RIN3: variants seen among roughly 807,000 people sequenced by gnomAD.
RIN3 encodes the protein Ras and Rab interactor 3, also known as RAB5 interacting protein 3.
RIN3 carries 54 observed loss-of-function variants against 76.3 expected under a neutral mutation model. That is an observed-to-expected ratio of 0.71 (90% confidence interval 0.57 to 0.89). RIN3 has a LOEUF of 0.89. Among genes scored for constraint, RIN3 ranks in the 40% least tolerant of loss-of-function variants. The probability of loss-of-function intolerance (pLI) is 0.00; values close to 1 mark genes in which losing one functional copy is unlikely to be tolerated. For missense variants in RIN3, 1,256 were observed against 1,322.1 expected (o/e 0.95, Z 0.78); for synonymous variants, 576 against 564.0 (o/e 1.02, Z -0.30).
chr14:92,559,988 G>A (rs1398681964), intron 2 of RIN3, among the ~76,000 whole-genome samples: 1 of 152,260 alleles, frequency 6.6e-6, no homozygotes, highest in African/African-American at 2.4e-5. Flanking sequence ...GACAGCAGGT[G>A]TGCAGGTCTG....
At position 92,643,962 on chromosome 14, in the gene RIN3, T is replaced by C. The variant is rs1229435940; in HGVS notation, c.532+2633T>C. Among the ~76,000 whole-genome samples the C allele has an allele frequency of 6.6e-6, 1 of 151,970 alleles. No individual in the cohort carries two copies. The highest frequency in any genetic ancestry group is 1.5e-5 in the Non-Finnish European group (1 of 67,988). ...AAAAATTAGAAGATCAAGTTTTAGC[T>C]CCGCTGGGAACCTTGTGTAAAGTGC... On this transcript the variant is annotated intron_variant, in intron 5 of 9. Transcript: ENST00000216487. This position sits in a 1 kb window ranked among gnomAD's most constrained non-coding sequence, Gnocchi z 4.8.
chr14:92,576,718 G>A (rs1049330111), intron 2 of RIN3, among the ~76,000 whole-genome samples: 7 of 152,218 alleles, frequency 4.6e-5, no homozygotes, highest in African/African-American at 1.4e-4. Flanking sequence ...TCCTTCATCT[G>A]TAAGATGGGG....
rs1045897945 is a variant in RIN3, at chr14:92,643,367, A to G, written c.532+2038A>G. ...ACACCCGGCCGCCTCTTAGCTCTTT[A>G]TCCAAATTCTTCTAGGTCTAATTTA... On this transcript the variant is annotated intron_variant, in intron 5 of 9. Coordinates refer to ENST00000216487, the MANE Select transcript of RIN3 (RefSeq NM_024832.5). This position sits in a 1 kb window ranked among gnomAD's most constrained non-coding sequence, Gnocchi z 4.8. 4.6e-5 allele frequency among the ~76,000 whole-genome samples: 7 copies of G among 152,182 alleles called. No individual in the cohort carries two copies. The highest frequency in any genetic ancestry group is 1.7e-4 in the African/African-American group (7 of 41,448).
At chr14:92,659,544 C>A in intron 7 of RIN3, 75 bp downstream of exon 7, 1 of 1,377,078 alleles carries the variant, frequency 7.3e-7, no homozygotes, top group Non-Finnish European at 9.8e-7. Context: ...CTGACCAGGA[C>A]TCCAGAGCCC....
chr14:92,540,206 C>CGCTT (rs1207377508), intron 1 of RIN3, among the ~76,000 whole-genome samples: 2 of 152,198 alleles, frequency 1.3e-5, no homozygotes, highest in African/African-American at 4.8e-5. Flanking sequence ...CTGCTGTCAG[C>CGCTT]GCTTCCGAGG....
chr14:92,622,484 C>T (rs1886216917), intron 4 of RIN3, among the ~76,000 whole-genome samples: 1 of 152,242 alleles, frequency 6.6e-6, no homozygotes, highest in Non-Finnish European at 1.5e-5. Context: ...ACCCAGCACT[C>T]AGGCAAAAGT....
intron 2 of RIN3, among the ~76,000 whole-genome samples, chr14:92,569,332 C>A (rs1036418638): frequency 2.0e-5 from 3 of 152,148 alleles, no homozygotes; most frequent in Non-Finnish European, 2.9e-5. Flanking sequence ...TGGGTGCTTT[C>A]CTCTGCAGCT....
intron 3 of RIN3, among the ~76,000 whole-genome samples, chr14:92,601,621 G>A (rs573454584): frequency 3.3e-5 from 5 of 152,056 alleles, no homozygotes; most frequent in Non-Finnish European, 5.9e-5. Flanking sequence ...AGAGAACAAA[G>A]TGTTTTTTCT....
At chr14:92,604,909 C>CTTTTTTCCTTATCCATTTTCCTCTTT (rs1885471592) in intron 3 of RIN3, among the ~76,000 whole-genome samples, 1 of 90,050 alleles carries the variant, frequency 1.1e-5, no homozygotes, top group Non-Finnish European at 2.1e-5. Context: ...CCATTTTCCT[C>CTTTTTTCCTTATCCATTTTCCTCTTT]TTTTTTTTTT....
intron 1 of RIN3, among the ~76,000 whole-genome samples, chr14:92,549,597 C>T (rs1203132802): frequency 6.6e-6 from 1 of 152,244 alleles, no homozygotes; most frequent in Non-Finnish European, 1.5e-5. Context: ...ACAACAGGCA[C>T]CATGCCCAGG....
At chr14:92,594,040 A>G (rs964369380) in intron 3 of RIN3, among the ~76,000 whole-genome samples, 2 of 152,178 alleles carry the variant, frequency 1.3e-5, no homozygotes, top group African/African-American at 2.4e-5. Flanking sequence ...ATTTTATCCA[A>G]CAATAACAGA....
intron 3 of RIN3, among the ~76,000 whole-genome samples, chr14:92,578,893 C>CG (rs951630533): frequency 6.6e-6 from 1 of 151,822 alleles, no homozygotes; most frequent in African/African-American, 2.4e-5. Flanking sequence ...CCTCTGGCTA[C>CG]GTGACTCCTG....
chr14:92,579,338 T>C (rs1259007120), intron 3 of RIN3, among the ~76,000 whole-genome samples: 4 of 152,250 alleles, frequency 2.6e-5, no homozygotes, highest in Non-Finnish European at 1.5e-5. Flanking sequence ...CATCTTTGTT[T>C]CAAAGTTAAA....
At chr14:92,680,706 T>C (rs865970990) in intron 8 of RIN3, among the ~76,000 whole-genome samples, 6 of 152,178 alleles carry the variant, frequency 3.9e-5, no homozygotes, top group Admixed American at 3.9e-4. Context: ...TTCCAGTGTT[T>C]CGTAGTTCAG....
At chr14:92,543,867 A>T (rs189296251) in intron 1 of RIN3, among the ~76,000 whole-genome samples, 16 of 152,128 alleles carry the variant, frequency 1.1e-4, no homozygotes, top group African/African-American at 3.6e-4. Context: ...TCTCTGATCC[A>T]AACCAGATAC....
chr14:92,649,020 TA>T (rs1350438700), intron 5 of RIN3, among the ~76,000 whole-genome samples: 2 of 151,812 alleles, frequency 1.3e-5, no homozygotes, highest in Admixed American at 1.3e-4. Context: ...GAAGACTCGG[TA>T]GATGATGCCA....
intron 1 of RIN3, among the ~76,000 whole-genome samples, chr14:92,549,199 C>T (rs74072948): frequency 5.9e-5 from 9 of 152,190 alleles, no homozygotes; most frequent in South Asian, 2.1e-4. Context: ...TGGGAGGCCA[C>T]GCTGCCTTGG....
chr14:92,680,755 G>A (rs1018998031), intron 8 of RIN3, among the ~76,000 whole-genome samples: 2 of 152,260 alleles, frequency 1.3e-5, no homozygotes, highest in Non-Finnish European at 2.9e-5. Context: ...AAGCCTGCAA[G>A]TTGGATTCTG....
At chr14:92,549,148 G>C (rs1308147701) in intron 1 of RIN3, among the ~76,000 whole-genome samples, 3 of 152,172 alleles carry the variant, frequency 2.0e-5, no homozygotes, top group Admixed American at 2.0e-4. Context: ...CCAGGGACCA[G>C]GCCTCTCCAT....
Sources: gnomAD v4.1 joint callset for allele counts (sites outside exome capture counted in the v4.1 genomes callset) on GRCh38, gnomAD v4.1.1 for gene constraint, Gnocchi (gnomAD v3.1) non-coding constraint, MANE v1.5 for transcripts, NCBI Gene and HGNC (gene_info 2026-07-23, HGNC 2026-07-21) for gene names.